TNRC6C: variants seen among roughly 807,000 people sequenced by gnomAD.
TNRC6C encodes the protein trinucleotide repeat containing adaptor 6C.
TNRC6C carries 20 observed loss-of-function variants against 153.7 expected under a neutral mutation model. The observed-to-expected ratio is 0.13, with a 90% CI of 0.09 to 0.19. The LOEUF (loss-of-function observed/expected upper bound fraction) is 0.19. Ranked by LOEUF, TNRC6C falls within the 10% of genes least tolerant of loss-of-function variation. TNRC6C has a pLI of 1.00. For synonymous variants in TNRC6C, 811 were observed against 841.4 expected, an observed-to-expected ratio of 0.96 and a Z score of 0.63; for missense variants, 1,987 against 2,172.0, an observed-to-expected ratio of 0.91 and a Z score of 1.69.
At chr17:77,974,063 G>GGA (rs548748635) in intron 1 of TNRC6C, among the ~76,000 whole-genome samples, 121 of 147,460 alleles carry the variant, frequency 8.2e-4, no homozygotes, top group African/African-American at 2.4e-3. Flanking sequence ...GGGGGAGGGG[G>GGA]GAGAGAGAGA....
chr17:78,054,122 G>A (rs561793480), intron 3 of TNRC6C, among the ~76,000 whole-genome samples: 1 of 152,276 alleles, frequency 6.6e-6, no homozygotes, highest in East Asian at 1.9e-4. Context: ...TAGGACGATG[G>A]TAAGTATTTA....
At chr17:78,060,174 T>A (rs1173257655) in intron 3 of TNRC6C, among the ~76,000 whole-genome samples, 1 of 152,216 alleles carries the variant, frequency 6.6e-6, no homozygotes, top group Non-Finnish European at 1.5e-5. Flanking sequence ...TACTTTGCCA[T>A]CTGACTGTAC....
chr17:78,085,192 T>G (rs1430492967), intron 11 of TNRC6C, among the ~76,000 whole-genome samples: 2 of 152,204 alleles, frequency 1.3e-5, no homozygotes, highest in Non-Finnish European at 2.9e-5. Flanking sequence ...CAGAGCTGAT[T>G]ATCTTACTGA....
chr17:78,000,009 C>T (rs775739802), upstream of TNRC6C, among the ~76,000 whole-genome samples: 8 of 152,148 alleles, frequency 5.3e-5, no homozygotes, highest in Non-Finnish European at 1.0e-4. Flanking sequence ...ATCAGAAGAC[C>T]ATAGAGTCTG....
intron 1 of TNRC6C, among the ~76,000 whole-genome samples, chr17:77,968,397 G>C (rs1230414825): frequency 6.6e-6 from 1 of 150,948 alleles, no homozygotes; most frequent in African/African-American, 2.4e-5. Flanking sequence ...ACTAGAGTGC[G>C]GTAGCGTGAT....
chr17:78,096,102 C>T (rs372229608), intron 16 of TNRC6C, among the ~76,000 whole-genome samples: 4 of 152,278 alleles, frequency 2.6e-5, no homozygotes, highest in South Asian at 2.1e-4. Flanking sequence ...TGAGCCAGTG[C>T]GCACGGCCGA....
intron 1 of TNRC6C, among the ~76,000 whole-genome samples, chr17:78,010,083 C>T (rs1284360315): frequency 6.6e-6 from 1 of 150,944 alleles, no homozygotes; most frequent in Non-Finnish European, 1.5e-5. Context: ...GGGTTTCGCC[C>T]TGTTGCCCAG....
intron 3 of TNRC6C, among the ~76,000 whole-genome samples, chr17:78,057,226 A>G (rs917801722): frequency 2.0e-5 from 3 of 152,200 alleles, no homozygotes; most frequent in Admixed American, 2.0e-4. Flanking sequence ...TACCACTGGC[A>G]TAAAGTGGCT....
At chr17:77,970,838 T>A (rs981669940) in intron 1 of TNRC6C, among the ~76,000 whole-genome samples, 1 of 152,096 alleles carries the variant, frequency 6.6e-6, no homozygotes, top group African/African-American at 2.4e-5. Flanking sequence ...GCAAGACCCT[T>A]GTCTTTTAAA....
chr17:77,986,739 A>G (rs1460585458), intron 1 of TNRC6C, among the ~76,000 whole-genome samples: 1 of 152,172 alleles, frequency 6.6e-6, no homozygotes, highest in African/African-American at 2.4e-5. Context: ...ATGGAGCAGA[A>G]TGGTCTTCAG....
At position 78,079,121 on chromosome 17, in the gene TNRC6C, G is replaced by C. The variant is rs139254938; in HGVS notation, c.3211-274G>C. On this transcript the variant is annotated intron_variant, in intron 9 of 19. Coordinates refer to ENST00000301624, the Ensembl canonical transcript of TNRC6C. This position sits in a 1 kb window ranked among gnomAD's most constrained non-coding sequence, Gnocchi z 4.3. ...AAAAAAAGCCAGGCATAGTGGCGGGGGTCTGTAATCCCAGCTACTCGGGAG... is the reference window on the plus strand; with the variant it reads ...AAAAAAAGCCAGGCATAGTGGCGGGCGTCTGTAATCCCAGCTACTCGGGAG... 0.011 allele frequency among the ~76,000 whole-genome samples: 1,713 copies of C among 151,118 alleles called. 19 individuals carry two copies. Among genetic ancestry groups the C allele is most frequent in the South Asian group, 0.036 (172 of 4,756 alleles).
At chr17:77,992,816 G>A (rs901609911) in intron 1 of TNRC6C, among the ~76,000 whole-genome samples, 5 of 152,148 alleles carry the variant, frequency 3.3e-5, no homozygotes, top group African/African-American at 1.2e-4. Context: ...TGTTCTTATG[G>A]TTCATGAGAA....
At position 78,009,697 on chromosome 17, in the gene TNRC6C, G is replaced by A. The variant is rs141932937; in HGVS notation, c.-546+4618G>A. 8.1e-3 allele frequency among the ~76,000 whole-genome samples: 1,226 copies of A among 152,084 alleles called. 19 individuals are homozygous for A. The highest frequency in any genetic ancestry group is 0.027 in the African/African-American group (1,134 of 41,474). On this transcript the variant is annotated intron_variant, in intron 1 of 19. Coordinates refer to ENST00000301624, the Ensembl canonical transcript of TNRC6C. ...AGCCTCCAGAGTAGCTGGGACTACAGGTGCGCACCACCATGCCCAGCTAAT... is the reference window on the plus strand; with the variant it reads ...AGCCTCCAGAGTAGCTGGGACTACAAGTGCGCACCACCATGCCCAGCTAAT...
chr17:78,063,121 C>T (rs2072801515), intron 3 of TNRC6C, among the ~76,000 whole-genome samples: 1 of 151,860 alleles, frequency 6.6e-6, no homozygotes, highest in Admixed American at 6.6e-5. Flanking sequence ...TGTTGCGTGC[C>T]TGTAGTCCCA....
intron 3 of TNRC6C, among the ~76,000 whole-genome samples, chr17:78,059,721 C>T (rs1191333504): frequency 6.6e-6 from 1 of 151,754 alleles, no homozygotes; most frequent in Non-Finnish European, 1.5e-5. Context: ...TAGTGGCACA[C>T]GCCTCTAGTC....
At chr17:78,004,953 T>C (rs1567909910), upstream of TNRC6C, 1 of 916,980 alleles carries the variant, frequency 1.1e-6, no homozygotes, top group African/African-American at 1.7e-5. Flanking sequence ...TTTTTAAAAT[T>C]TTCAATACTA....
At chr17:78,004,242 GAAA>G, upstream of TNRC6C, 1 of 1,231,738 alleles carries the variant, frequency 8.1e-7, no homozygotes, top group Non-Finnish European at 1.0e-6. Context: ...AGGAAGAAAA[GAAA>G]AAGAAGGAAG....
chr17:77,998,733 C>G (rs1051577752), intron 1 of TNRC6C, among the ~76,000 whole-genome samples: 3 of 152,190 alleles, frequency 2.0e-5, no homozygotes, highest in African/African-American at 7.2e-5. Flanking sequence ...AAGCCATTGT[C>G]TGATAATTCC....
rs1007160977 is a variant in TNRC6C, at chr17:78,075,219, G to A, written c.3001G>A (p.Gly1001Ser). The stretch of plus-strand genomic sequence containing the variant: ...TAATGGAATGGCCGCCAAGCCCCTC[G>A]GCTGCCGCCCGCCAATCTCCAAAGA... The change falls in exon 8 of 20, where the codon GGC (glycine) becomes AGC (serine). Residue 1001 changes from glycine (G) to serine (S), a missense_variant. Physicochemically the swap from Gly to Ser is moderately conservative, Grantham distance 56 (BLOSUM62 0). Coordinates refer to ENST00000301624, the Ensembl canonical transcript of TNRC6C. This position sits in a 1 kb window ranked among gnomAD's most constrained non-coding sequence, Gnocchi z 4.2. 5.6e-6 allele frequency: 9 copies of A among 1,596,414 alleles called. No homozygotes were observed. Among genetic ancestry groups the A allele is most frequent in the Non-Finnish European group, 7.7e-6 (9 of 1,172,240 alleles).
Sources: gnomAD v4.1 joint callset for allele counts (sites outside exome capture counted in the v4.1 genomes callset) on GRCh38, gnomAD v4.1.1 for gene constraint, Gnocchi (gnomAD v3.1) non-coding constraint, MANE v1.5 for transcripts, NCBI Gene and HGNC (gene_info 2026-07-23, HGNC 2026-07-21) for gene names.